Variants in MBTD1 observed in about 807,000 individuals in gnomAD.
MBTD1 encodes MBT domain-containing protein 1.
A neutral mutation model predicts 87.8 loss-of-function variants in MBTD1; 24 were observed. The ratio of observed to expected loss-of-function variants is 0.27; its 90% CI spans 0.20 to 0.38. The LOEUF is 0.38. Among genes scored for constraint, MBTD1 ranks in the 10% least tolerant of loss-of-function variants. The pLI is 1.00. For synonymous variants in MBTD1, 237 were observed against 248.6 expected (o/e 0.95, Z 0.44); for missense variants, 436 against 760.2 (o/e 0.57, Z 5.02).
At chr17:51,260,946 G>C, upstream of MBTD1, 3 of 1,505,846 alleles carry the variant, frequency 2.0e-6, no homozygotes, top group Non-Finnish European at 2.7e-6. Flanking sequence ...GCCGCGGCGC[G>C]CGGGCTGGGC....
chr17:51,247,110 T>C (rs1027864334), intron 2 of MBTD1, among the ~76,000 whole-genome samples: 1 of 152,192 alleles, frequency 6.6e-6, no homozygotes, highest in African/African-American at 2.4e-5. Context: ...AAAATAAAAA[T>C]ATTGTATGTT....
intron 16 of MBTD1, among the ~76,000 whole-genome samples, chr17:51,189,949 C>T (rs1157791206): frequency 1.3e-5 from 2 of 152,160 alleles, no homozygotes; most frequent in African/African-American, 2.4e-5. Context: ...AATTCTGGGC[C>T]TGTGGGAGGC....
chr17:51,218,477 C>T (rs144147046), intron 5 of MBTD1, among the ~76,000 whole-genome samples: 170 of 144,376 alleles, frequency 1.2e-3, no homozygotes, highest in African/African-American at 4.0e-3. Context: ...TACAGTGAGC[C>T]GAGATCACGC....
chr17:51,227,966 AAAAG>A (rs1451233910), intron 2 of MBTD1, among the ~76,000 whole-genome samples: 2 of 152,126 alleles, frequency 1.3e-5, no homozygotes, highest in African/African-American at 2.4e-5. Context: ...AAAAAAAAAA[AAAAG>A]AAAATTTTAC....
intron 8 of MBTD1, 140 bp from the exon 9 acceptor site, chr17:51,203,368 T>C (rs2051606209): frequency 5.4e-6 from 3 of 550,616 alleles, no homozygotes; most frequent in Non-Finnish European, 6.3e-6. Context: ...AAAGCAAGTA[T>C]ATGCCTTGCC....
rs532095243 is a variant in MBTD1, at chr17:51,240,906, C to T, written c.-48-15697G>A. 1.6e-3 allele frequency among the ~76,000 whole-genome samples: 246 copies of T among 152,030 alleles called. 1 individual carries two copies. The highest frequency in any genetic ancestry group is 3.1e-3 in the Non-Finnish European group (209 of 68,012). On this transcript the variant is annotated intron_variant, in intron 2 of 16. Transcript: ENST00000586178. ...CAGGATTATACTTAGGTTGCACTGC[C>T]TAATTGATGCTATAATTTTCAAGGC... is the stretch of plus-strand genomic sequence containing the variant.
chr17:51,211,149 GA>G (rs113570976), intron 6 of MBTD1, among the ~76,000 whole-genome samples: 29 of 127,716 alleles, frequency 2.3e-4, no homozygotes, highest in African/African-American at 3.0e-4. Flanking sequence ...AAAAAAAAAA[GA>G]AAAAAAAAAA....
At chr17:51,240,986 T>A (rs1291914426) in intron 2 of MBTD1, among the ~76,000 whole-genome samples, 1 of 152,096 alleles carries the variant, frequency 6.6e-6, no homozygotes, top group Non-Finnish European at 1.5e-5. Flanking sequence ...GTTAATTTTT[T>A]TTTTTCTTTG....
chr17:51,182,065 A>G (rs2050336298), intron 16 of MBTD1, among the ~76,000 whole-genome samples: 1 of 151,344 alleles, frequency 6.6e-6, no homozygotes, highest in African/African-American at 2.4e-5. Flanking sequence ...TTTAGCATAC[A>G]CGGATCTGCT....
intron 2 of MBTD1, among the ~76,000 whole-genome samples, chr17:51,230,776 T>C (rs2053505621): frequency 6.6e-6 from 1 of 152,182 alleles, no homozygotes; most frequent in Admixed American, 6.6e-5. Context: ...AGGGCCCTTG[T>C]AGGCCAGGGT....
At chr17:51,226,182 A>C (rs182280371) in intron 2 of MBTD1, among the ~76,000 whole-genome samples, 9 of 150,288 alleles carry the variant, frequency 6.0e-5, no homozygotes, top group African/African-American at 1.5e-4. Context: ...CCAAAAAAAA[A>C]CACAAAAAAA....
chr17:51,260,148 C>T (rs550451595), upstream of MBTD1: 4 of 366,984 alleles, frequency 1.1e-5, no homozygotes, highest in East Asian at 4.3e-5. Flanking sequence ...CCGTGGGACC[C>T]TCTGCAGGCT....
intron 16 of MBTD1, among the ~76,000 whole-genome samples, chr17:51,187,493 A>C (rs2050593092): frequency 6.6e-6 from 1 of 151,982 alleles, no homozygotes; most frequent in South Asian, 2.1e-4. Flanking sequence ...TTGCCAACCA[A>C]AAAAAATACT....
In MBTD1 at chr17:51,202,971, T is replaced by TGTA. The variant is rs781747324; in HGVS notation, c.829-37_829-36insTAC. The TGTA allele has an allele frequency of 1.8e-5, 27 of 1,524,374 alleles. No individual in the cohort carries two copies. The South Asian group carries it at 3.0e-4, about 17-fold the overall frequency. The allele number at this position is 1,524,374 out of a possible 1,614,324, so 94.4% of individuals were successfully genotyped here. A position where few individuals can be genotyped will look rare whatever the true frequency, so the allele number is the denominator to read the frequency against. On this transcript the variant is annotated intron_variant, in intron 9 of 16. Coordinates refer to ENST00000586178, the MANE Select transcript of MBTD1 (RefSeq NM_017643.3). ...TACAAAAAAAACTGCTCGAAATTCA[T>TGTA]GACAAAGGTCTACAAGAAATTTTTG...
chr17:51,258,033 T>G (rs187716025), intron 2 of MBTD1, among the ~76,000 whole-genome samples: 99 of 149,592 alleles, frequency 6.6e-4, no homozygotes, highest in African/African-American at 2.3e-3. Flanking sequence ...AGTACAGCTA[T>G]TTTCTTTCTA....
At chr17:51,215,953 A>G (rs1188350315) in intron 6 of MBTD1, among the ~76,000 whole-genome samples, 1 of 114,960 alleles carries the variant, frequency 8.7e-6, no homozygotes, top group African/African-American at 3.5e-5. Flanking sequence ...TTTTTTTGAG[A>G]CTGAGTGTCG....
upstream of MBTD1, chr17:51,260,528 G>A: frequency 1.9e-6 from 3 of 1,544,900 alleles, no homozygotes; most frequent in East Asian, 6.9e-5. Context: ...CGAGGGGCCT[G>A]GGCGCATGCG....
At chr17:51,210,804 AT>A (rs1368995321) in intron 6 of MBTD1, among the ~76,000 whole-genome samples, 3 of 150,994 alleles carry the variant, frequency 2.0e-5, no homozygotes, top group African/African-American at 7.3e-5. Flanking sequence ...AACAACATGC[AT>A]AAAACAGTCC....
At chr17:51,193,543 A>C in intron 13 of MBTD1, 33 bp from the exon 14 acceptor site, 1 of 1,169,574 alleles carries the variant, frequency 8.6e-7, no homozygotes, top group South Asian at 1.3e-5. Flanking sequence ...CTAGCAGTTC[A>C]TTTAAAATTA....
Sources: gnomAD v4.1 joint callset for allele counts (sites outside exome capture counted in the v4.1 genomes callset) on GRCh38, gnomAD v4.1.1 for gene constraint, MANE v1.5 for transcripts, NCBI Gene and HGNC (gene_info 2026-07-23, HGNC 2026-07-21) for gene names.